Variants in ADAMTSL1 observed in about 807,000 individuals in gnomAD.
ADAMTSL1 encodes the protein ADAMTS like 1.
In ADAMTSL1, 126 loss-of-function variants were observed where a neutral mutation model predicts 201.8. That is an observed-to-expected ratio of 0.62 (90% CI 0.54 to 0.72). The LOEUF is 0.72. Ranked by LOEUF, ADAMTSL1 falls within the 30% of genes least tolerant of loss-of-function variation. The pLI, the probability that ADAMTSL1 is intolerant of heterozygous loss-of-function variation, is 0.00. For missense variants in ADAMTSL1, 2,679 were observed against 2,277.8 expected, an observed-to-expected ratio of 1.18 and a Z score of -3.59; for synonymous variants, 1,121 against 903.4, an observed-to-expected ratio of 1.24 and a Z score of -4.32.
At chr9:18,336,565 C>A (rs1835251071) in intron 2 of ADAMTSL1, among the ~76,000 whole-genome samples, 1 of 152,088 alleles carries the variant, frequency 6.6e-6, no homozygotes, top group African/African-American at 2.4e-5. Context: ...ATTCTTTAGA[C>A]AATACACAGT....
intron 2 of ADAMTSL1, among the ~76,000 whole-genome samples, chr9:18,177,791 C>G (rs1280944321): frequency 1.3e-5 from 2 of 152,174 alleles, no homozygotes; most frequent in Non-Finnish European, 2.9e-5. Context: ...ATACCCATGC[C>G]TAGGTGCAGG....
chr9:18,273,323 C>T (rs2809853), intron 2 of ADAMTSL1, among the ~76,000 whole-genome samples: 5,530 of 152,298 alleles, frequency 0.036, 149 homozygotes, highest in African/African-American at 0.075. Context: ...TCAAGTGATC[C>T]GCCCGCGTTG....
At chr9:18,119,024 A>G (rs1397449032) in intron 1 of ADAMTSL1, among the ~76,000 whole-genome samples, 1 of 152,188 alleles carries the variant, frequency 6.6e-6, no homozygotes, top group East Asian at 1.9e-4. Flanking sequence ...GCCCCTTCAC[A>G]TACTGATCAT....
At chr9:18,619,749 CTT>C (rs1473005243) in intron 4 of ADAMTSL1, among the ~76,000 whole-genome samples, 4 of 152,156 alleles carry the variant, frequency 2.6e-5, no homozygotes, top group African/African-American at 7.2e-5. Context: ...TCCAGAGAAA[CTT>C]AAATCCTTTG....
intron 3 of ADAMTSL1, among the ~76,000 whole-genome samples, chr9:18,554,669 GT>G (rs71494961): frequency 0.82 from 122,048 of 148,286 alleles, 50,670 homozygotes; most frequent in African/African-American, 0.95. Context: ...GATCTGAGTG[GT>G]TTTTTTTTTT....
chr9:18,354,126 C>G (rs1284312322), intron 2 of ADAMTSL1, among the ~76,000 whole-genome samples: 2 of 148,694 alleles, frequency 1.3e-5, no homozygotes, highest in African/African-American at 4.9e-5. Context: ...AACATACTTT[C>G]CTTATATAAT....
rs529868356 is a variant in ADAMTSL1, at chr9:18,063,158, T to C, written c.88-100704T>C. Among the ~76,000 whole-genome samples the C allele has an allele frequency of 3.3e-5, 5 of 152,128 alleles. No individual in the cohort carries two copies. The East Asian group carries it at 9.7e-4, about 29-fold the overall frequency. On this transcript the variant is annotated intron_variant, in intron 1 of 29. Coordinates refer to the ADAMTSL1 transcript ENST00000680146. The stretch of plus-strand genomic sequence containing the variant: ...AGCCTGAGGCCAGGAGTTCAAGACA[T>C]AGTAAGAGACTGTCTCTCTTAAAAA...
At chr9:17,999,357 G>A (rs1018837664) in intron 1 of ADAMTSL1, among the ~76,000 whole-genome samples, 7 of 151,956 alleles carry the variant, frequency 4.6e-5, no homozygotes, top group Non-Finnish European at 2.9e-5. Flanking sequence ...GATCTAGTAA[G>A]TTAGCTGCTG....
chr9:18,669,381 T>C (rs147676308), intron 9 of ADAMTSL1, among the ~76,000 whole-genome samples: 32 of 152,326 alleles, frequency 2.1e-4, no homozygotes, highest in African/African-American at 7.5e-4. Flanking sequence ...TGAGGAAGTA[T>C]TCAATGATTT....
chr9:18,260,927 C>G (rs1303808533), intron 2 of ADAMTSL1, among the ~76,000 whole-genome samples: 1 of 151,256 alleles, frequency 6.6e-6, no homozygotes, highest in Non-Finnish European at 1.5e-5. Context: ...TCGGCTCTGG[C>G]TATGTTCAGC....
At chr9:18,038,504 A>C (rs1219038676) in intron 1 of ADAMTSL1, among the ~76,000 whole-genome samples, 1 of 152,168 alleles carries the variant, frequency 6.6e-6, no homozygotes, top group Non-Finnish European at 1.5e-5. Context: ...CAGTCATTAC[A>C]GTTTTCAAGC....
intron 2 of ADAMTSL1, among the ~76,000 whole-genome samples, chr9:18,296,591 C>G (rs1039349513): frequency 6.6e-6 from 1 of 152,160 alleles, no homozygotes; most frequent in East Asian, 1.9e-4. Flanking sequence ...ATTCTTTAAA[C>G]TTTTCTATAT....
chr9:17,928,756 G>C (rs961888753), intron 1 of ADAMTSL1, among the ~76,000 whole-genome samples: 1 of 152,098 alleles, frequency 6.6e-6, no homozygotes. Flanking sequence ...ACAAGAACAA[G>C]CAAATAAATT....
intron 1 of ADAMTSL1, among the ~76,000 whole-genome samples, chr9:17,945,642 A>C (rs192917684): frequency 6.6e-6 from 1 of 152,234 alleles, no homozygotes; most frequent in African/African-American, 2.4e-5. Context: ...AGCCATGAAA[A>C]ATGATGAATT....
At chr9:18,078,002 G>A (rs1823309625) in intron 1 of ADAMTSL1, among the ~76,000 whole-genome samples, 2 of 152,182 alleles carry the variant, frequency 1.3e-5, no homozygotes, top group African/African-American at 2.4e-5. Context: ...AACAAGGACA[G>A]GGTGGGAAGG....
chr9:18,448,374 T>G (rs1436209044), intron 2 of ADAMTSL1, among the ~76,000 whole-genome samples: 2 of 152,102 alleles, frequency 1.3e-5, no homozygotes, highest in Non-Finnish European at 2.9e-5. Context: ...ACTGAGAAGT[T>G]TGAAACTAGG....
intron 1 of ADAMTSL1, among the ~76,000 whole-genome samples, chr9:18,162,997 C>T (rs1281956220): frequency 6.6e-6 from 1 of 151,976 alleles, no homozygotes; most frequent in Non-Finnish European, 1.5e-5. Flanking sequence ...GTTATCATTC[C>T]TGTTGTACAG....
chr9:18,670,032 C>T (rs1773915916), intron 9 of ADAMTSL1, among the ~76,000 whole-genome samples: 1 of 152,152 alleles, frequency 6.6e-6, no homozygotes, highest in Admixed American at 6.5e-5. Context: ...TTACTTCTTT[C>T]CTGCACCCTT....
intron 5 of ADAMTSL1, among the ~76,000 whole-genome samples, chr9:18,623,424 C>T (rs376634113): frequency 6.6e-6 from 1 of 152,040 alleles, no homozygotes; most frequent in Non-Finnish European, 1.5e-5. Context: ...TGTAATGGAG[C>T]CAAGATTTGA....
Sources: allele counts gnomAD v4.1 joint callset (sites outside exome capture counted in the v4.1 genomes callset), GRCh38; gene constraint gnomAD v4.1.1; transcripts MANE v1.5; gene names NCBI Gene and HGNC (gene_info 2026-07-23, HGNC 2026-07-21).